The following WDR72 variants were observed in gnomAD, a reference collection of about 807,000 sequenced individuals.
WDR72 encodes the protein WD repeat-containing protein 72.
WDR72 carries 120 observed loss-of-function variants against 124.2 expected under a neutral mutation model. The ratio of observed to expected loss-of-function variants is 0.97; its 90% CI spans 0.83 to 1.12. The LOEUF (loss-of-function observed/expected upper bound fraction) is 1.12. WDR72 is among the 50% of genes most tolerant of loss of function. The probability of loss-of-function intolerance (pLI) is 0.00; values close to 1 mark genes in which losing one functional copy is unlikely to be tolerated. For synonymous variants in WDR72, 452 were observed against 441.7 expected (o/e 1.02, Z -0.29); for missense variants, 1,387 against 1,278.8 (o/e 1.08, Z -1.29).
At chr15:53,758,768 C>CA (rs2018980378) in intron 1 of WDR72, among the ~76,000 whole-genome samples, 1 of 26,550 alleles carries the variant, frequency 3.8e-5, no homozygotes, top group African/African-American at 1.4e-4. Context: ...CACAAAACTG[C>CA]GGGGGGGGGG....
At chr15:53,645,366 C>G (rs765564325) in intron 14 of WDR72, among the ~76,000 whole-genome samples, 1 of 152,130 alleles carries the variant, frequency 6.6e-6, no homozygotes, top group African/African-American at 2.4e-5. Flanking sequence ...TACAAAATCT[C>G]CAGATTTAAA....
chr15:53,669,008 A>G (rs1446205418), intron 13 of WDR72, among the ~76,000 whole-genome samples: 5 of 115,288 alleles, frequency 4.3e-5, no homozygotes, highest in South Asian at 3.7e-4. Context: ...AAGGAGAAGG[A>G]GAAGGAGAAA....
chr15:53,595,223 G>C (rs1460455038), intron 18 of WDR72, among the ~76,000 whole-genome samples: 1 of 152,058 alleles, frequency 6.6e-6, no homozygotes, highest in Non-Finnish European at 1.5e-5. Context: ...AATCAAAAGA[G>C]AGTTAATACC....
intron 13 of WDR72, among the ~76,000 whole-genome samples, chr15:53,671,934 G>C (rs1351765879): frequency 6.6e-6 from 1 of 150,902 alleles, no homozygotes; most frequent in African/African-American, 2.4e-5. Flanking sequence ...GAAGAGAAAA[G>C]AGAAAAAAAA....
At position 53,556,277 on chromosome 15, in the gene WDR72, A is replaced by C. The variant is rs190435741; in HGVS notation, c.3149-32955T>G. ...AATTATAATGATGAAAACCATTTAA[A>C]CTTATCAGCATAAGAACAAATTGTT... is the stretch of plus-strand genomic sequence containing the variant. On this transcript the variant is annotated intron_variant, in intron 18 of 19. Transcript: ENST00000360509. Among the ~76,000 whole-genome samples the C allele has an allele frequency of 7.1e-3, 1,075 of 152,250 alleles. 8 individuals carry two copies. Among genetic ancestry groups the C allele is most frequent in the Non-Finnish European group, 9.8e-3 (669 of 68,008 alleles).
chr15:53,660,028 T>C (rs1405884149), intron 14 of WDR72, among the ~76,000 whole-genome samples: 1 of 151,986 alleles, frequency 6.6e-6, no homozygotes, highest in African/African-American at 2.4e-5. Flanking sequence ...TAAAAATCTA[T>C]TTATTTTCTT....
chr15:53,693,537 C>A (rs1486584234), intron 13 of WDR72, among the ~76,000 whole-genome samples: 1 of 152,098 alleles, frequency 6.6e-6, no homozygotes, highest in Non-Finnish European at 1.5e-5. Context: ...ATATTTTTAT[C>A]TTTTCCTTTT....
chr15:53,665,697 C>G lies in WDR72; in HGVS notation c.1837G>C (p.Val613Leu). The change falls in exon 14 of 20, where the codon GTG becomes CTG. Residue 613 changes from valine to leucine, a missense_variant. Val to Leu is a conservative substitution (Grantham distance 32). Transcript: ENST00000360509. Reference protein sequence around the residue: ...ILNCCDDSQLVKSVLPIASET... With the variant: ...ILNCCDDSQLLKSVLPIASET... ...GAGGCAATGGGAAGTACAGACTTCA[C>G]AAGCTGTGAATCATCACAACAATTA... 6.2e-7 allele frequency: 1 copy of G among 1,613,916 alleles called. No individual in the cohort carries two copies. The highest frequency in any genetic ancestry group is 8.5e-7 in the Non-Finnish European group (1 of 1,179,870).
chr15:53,522,863 G>A (rs544636936), intron 19 of WDR72, among the ~76,000 whole-genome samples: 2 of 151,846 alleles, frequency 1.3e-5, no homozygotes, highest in African/African-American at 2.4e-5. Flanking sequence ...GTCCACTTCC[G>A]CTCCCCTCTT....
chr15:53,535,618 T>G (rs2140243073), intron 18 of WDR72, among the ~76,000 whole-genome samples: 1 of 152,290 alleles, frequency 6.6e-6, no homozygotes, highest in East Asian at 1.9e-4. Flanking sequence ...GGCATTTCTC[T>G]CCTATTTCCC....
intron 9 of WDR72, among the ~76,000 whole-genome samples, chr15:53,707,557 CTG>C (rs2017417476): frequency 6.6e-6 from 1 of 152,082 alleles, no homozygotes. Context: ...CACCATTCTC[CTG>C]CCTCAGCCTC....
At chr15:53,535,036 G>T (rs928590806) in intron 18 of WDR72, among the ~76,000 whole-genome samples, 1 of 151,394 alleles carries the variant, frequency 6.6e-6, no homozygotes. Context: ...TTTTTTTAAG[G>T]TAATAAAGGA....
chr15:53,589,654 T>G (rs1290064432), intron 18 of WDR72, among the ~76,000 whole-genome samples: 1 of 152,000 alleles, frequency 6.6e-6, no homozygotes, highest in African/African-American at 2.4e-5. Context: ...CAGACAATCA[T>G]AGATAAAGTG....
At chr15:53,680,636 TA>T (rs1327520302) in intron 13 of WDR72, among the ~76,000 whole-genome samples, 1 of 152,232 alleles carries the variant, frequency 6.6e-6, no homozygotes, top group Non-Finnish European at 1.5e-5. Context: ...CCTAGAACCT[TA>T]ACCCCATAAA....
chr15:53,655,867 A>G (rs2015404457), intron 14 of WDR72, among the ~76,000 whole-genome samples: 1 of 152,086 alleles, frequency 6.6e-6, no homozygotes, highest in Admixed American at 6.6e-5. Context: ...TAATTTTTGT[A>G]TTTTTAGTAG....
intron 18 of WDR72, among the ~76,000 whole-genome samples, chr15:53,560,027 G>A (rs1247134543): frequency 6.6e-6 from 1 of 151,950 alleles, no homozygotes; most frequent in Non-Finnish European, 1.5e-5. Flanking sequence ...AGACAGTTTA[G>A]AAGCACATGG....
chr15:53,559,441 G>A (rs145087352), intron 18 of WDR72, among the ~76,000 whole-genome samples: 5 of 152,126 alleles, frequency 3.3e-5, no homozygotes, highest in African/African-American at 1.2e-4. Flanking sequence ...AAGCTCATTT[G>A]CAGACAGCTG....
chr15:53,726,459 A>T (rs1344088374), intron 2 of WDR72, among the ~76,000 whole-genome samples: 3 of 151,936 alleles, frequency 2.0e-5, no homozygotes, highest in African/African-American at 7.3e-5. Context: ...AATACTTTTT[A>T]AAAATATCTT....
At chr15:53,738,773 A>T (rs1457099964) in intron 1 of WDR72, among the ~76,000 whole-genome samples, 1 of 151,946 alleles carries the variant, frequency 6.6e-6, no homozygotes, top group Admixed American at 6.6e-5. Context: ...TGCCTAGCTA[A>T]TTTTTTTATT....
Sources: gnomAD v4.1 joint callset for allele counts (sites outside exome capture counted in the v4.1 genomes callset) on GRCh38, gnomAD v4.1.1 for gene constraint, MANE v1.5 for transcripts, NCBI Gene and HGNC (gene_info 2026-07-23, HGNC 2026-07-21) for gene names.